Variants in XIRP2 observed in about 807,000 individuals in gnomAD.
XIRP2 encodes the protein xin actin-binding repeat-containing protein 2.
XIRP2 carries 236 observed loss-of-function variants against 277.0 expected under a neutral mutation model. The ratio of observed to expected loss-of-function variants is 0.85; its 90% CI spans 0.77 to 0.95. XIRP2 has a LOEUF of 0.95. XIRP2 is among the 40% of genes least tolerant of loss of function. The pLI is 0.00. For synonymous variants in XIRP2, 1,490 were observed against 1,416.5 expected (o/e 1.05, Z -1.17); for missense variants, 4,640 against 4,157.5 (o/e 1.12, Z -3.19).
intron 2 of XIRP2, among the ~76,000 whole-genome samples, chr2:166,931,347 A>G (rs1356056054): frequency 6.6e-6 from 1 of 152,140 alleles, no homozygotes; most frequent in Non-Finnish European, 1.5e-5. Context: ...TTACATATTT[A>G]TATGTCAATT....
In XIRP2 at chr2:167,184,727, A is replaced by G. The variant is rs1693109994; in HGVS notation, c.563-26008A>G. The G allele has an allele frequency of 1.2e-5, 8 of 660,670 alleles. No individual in the cohort carries two copies. In the Admixed American group the frequency reaches 1.5e-4, roughly 12 times the overall value. 40.9% of individuals were successfully genotyped at this position (660,670 alleles called of 1,614,324 possible). A position where few individuals can be genotyped will look rare whatever the true frequency, so the allele number is the denominator to read the frequency against. ...GATGCCTTACATATATTATCTCTGC[A>G]ATTGATGTCACTTTCTATTTGTCTT... On this transcript the variant is annotated intron_variant, in intron 3 of 10. Transcript: ENST00000409195.
At chr2:166,917,196 G>C (rs1023018482) in intron 2 of XIRP2, among the ~76,000 whole-genome samples, 2 of 152,128 alleles carry the variant, frequency 1.3e-5, no homozygotes, top group South Asian at 4.1e-4. Flanking sequence ...GCAGCCTGCA[G>C]AGGTCCCACT....
intron 3 of XIRP2, among the ~76,000 whole-genome samples, chr2:167,156,932 T>C (rs1692220392): frequency 2.0e-5 from 3 of 152,178 alleles, no homozygotes; most frequent in African/African-American, 7.2e-5. Flanking sequence ...TCTTCTGGGT[T>C]TCCCTCTTCC....
At chr2:167,010,830 C>T (rs1292967606) in intron 2 of XIRP2, among the ~76,000 whole-genome samples, 1 of 151,914 alleles carries the variant, frequency 6.6e-6, no homozygotes, top group African/African-American at 2.4e-5. Flanking sequence ...CTCTTTGAAG[C>T]AATTGTGAAT....
Position 167,096,459 on chromosome 2 carries a change from T to C in XIRP2, c.409-39450T>C, listed in dbSNP as rs1017314755. On this transcript the variant is annotated intron_variant, in intron 2 of 10. Coordinates refer to ENST00000409195, the MANE Select transcript of XIRP2 (RefSeq NM_152381.6). The stretch of plus-strand genomic sequence containing the variant: ...CCTCTTTTATTCTTTATTAGTCTGG[T>C]TAGTGGTCTATCTATTTTGCCAATC... 3.3e-5 allele frequency among the ~76,000 whole-genome samples: 5 copies of C among 152,038 alleles called. No homozygotes were observed. The East Asian group carries it at 9.7e-4, about 29-fold the overall frequency.
At chr2:166,932,618 A>G (rs548728313) in intron 2 of XIRP2, among the ~76,000 whole-genome samples, 5 of 151,926 alleles carry the variant, frequency 3.3e-5, no homozygotes, top group Non-Finnish European at 7.4e-5. Flanking sequence ...ATACTTGCTT[A>G]CTCCGGTATT....
At chr2:167,082,459 C>T (rs1689766485) in intron 2 of XIRP2, among the ~76,000 whole-genome samples, 1 of 151,666 alleles carries the variant, frequency 6.6e-6, no homozygotes, top group Admixed American at 6.6e-5. Flanking sequence ...GGGTATATAC[C>T]CAGTAATGGG....
At chr2:166,987,603 A>G (rs996116801) in intron 2 of XIRP2, among the ~76,000 whole-genome samples, 2 of 152,246 alleles carry the variant, frequency 1.3e-5, no homozygotes, top group South Asian at 2.1e-4. Flanking sequence ...TCTTTATTCT[A>G]TAAAAGATTT....
intron 2 of XIRP2, among the ~76,000 whole-genome samples, chr2:167,076,980 G>GC (rs1338612772): frequency 4.0e-5 from 6 of 151,730 alleles, no homozygotes; most frequent in East Asian, 1.9e-4. Context: ...ACAGGCACAT[G>GC]CCCCCCTACT....
chr2:167,025,900 G>A (rs945697163), intron 2 of XIRP2, among the ~76,000 whole-genome samples: 1 of 152,064 alleles, frequency 6.6e-6, no homozygotes, highest in African/African-American at 2.4e-5. Context: ...TGGAATAGGT[G>A]TGGTGTGGTG....
intron 2 of XIRP2, among the ~76,000 whole-genome samples, chr2:167,051,883 A>G (rs572101808): frequency 9.2e-4 from 140 of 152,238 alleles, no homozygotes; most frequent in African/African-American, 3.3e-3. Context: ...GTGACATTAA[A>G]TATGAAACTG....
intron 3 of XIRP2, among the ~76,000 whole-genome samples, chr2:167,160,320 T>A (rs1039452520): frequency 1.3e-5 from 2 of 152,226 alleles, no homozygotes; most frequent in Non-Finnish European, 2.9e-5. Context: ...TCATTTTTTA[T>A]TCTATGGATG....
chr2:166,923,714 C>G (rs1401749009), intron 2 of XIRP2, among the ~76,000 whole-genome samples: 1 of 152,114 alleles, frequency 6.6e-6, no homozygotes, highest in Non-Finnish European at 1.5e-5. Context: ...GGAGTTCACA[C>G]TTTTGCAAAG....
In XIRP2 at chr2:167,244,914, G is replaced by C; in HGVS notation, c.3522G>C (p.Leu1174Phe). The C allele has an allele frequency of 6.2e-7, 1 of 1,612,902 alleles. No homozygotes were observed. The highest frequency in any genetic ancestry group is 1.1e-5 in the South Asian group (1 of 90,850). Reference protein sequence around the residue: ...TACFLFETENLDSIQGEEVKE... With the variant: ...TACFLFETENFDSIQGEEVKE... ...GTTTTCTTTTTGAGACAGAAAATTT[G>C]GACAGCATACAAGGAGAAGAAGTGA... The change falls in exon 9 of 11, where the codon TTG (leucine) becomes TTC (phenylalanine). Residue 1174 changes from leucine (L) to phenylalanine (F), a missense_variant. Transcript: ENST00000409195.
At chr2:166,975,469 T>G (rs541915804) in intron 2 of XIRP2, among the ~76,000 whole-genome samples, 2 of 152,184 alleles carry the variant, frequency 1.3e-5, no homozygotes, top group South Asian at 4.2e-4. Flanking sequence ...AGCCTGGCGA[T>G]AGAGCGAGAC....
chr2:167,103,095 C>T (rs1052822578), intron 2 of XIRP2, among the ~76,000 whole-genome samples: 4 of 151,692 alleles, frequency 2.6e-5, no homozygotes, highest in East Asian at 1.9e-4. Flanking sequence ...GTTCAGATCG[C>T]GCCACTACAC....
intron 2 of XIRP2, among the ~76,000 whole-genome samples, chr2:166,942,947 C>G (rs1214848551): frequency 6.6e-6 from 1 of 151,720 alleles, no homozygotes. Flanking sequence ...ATGAAAACAT[C>G]AAAATATACA....
intron 2 of XIRP2, among the ~76,000 whole-genome samples, chr2:167,122,008 A>C (rs1167231539): frequency 1.3e-5 from 2 of 152,212 alleles, no homozygotes; most frequent in African/African-American, 4.8e-5. Flanking sequence ...TCAGTGAATT[A>C]TGAAACATAC....
intron 2 of XIRP2, among the ~76,000 whole-genome samples, chr2:167,087,105 G>A (rs1302009173): frequency 6.6e-6 from 1 of 151,992 alleles, no homozygotes; most frequent in African/African-American, 2.4e-5. Flanking sequence ...TGATGGTGAT[G>A]TACACATGGG....
Sources: gnomAD v4.1 joint callset for allele counts (sites outside exome capture counted in the v4.1 genomes callset) on GRCh38, gnomAD v4.1.1 for gene constraint, MANE v1.5 for transcripts, NCBI Gene and HGNC (gene_info 2026-07-23, HGNC 2026-07-21) for gene names.